PCGF5: variants seen among roughly 807,000 people sequenced by gnomAD.
PCGF5 encodes the protein polycomb group ring finger 5.
Under a neutral mutation model 44.3 loss-of-function variants are expected in PCGF5, and 9 were observed. That is an observed-to-expected ratio of 0.20 (90% CI 0.12 to 0.35). The LOEUF (loss-of-function observed/expected upper bound fraction) is 0.35, where lower values mean the gene tolerates loss of function less well. PCGF5 is among the 10% of genes least tolerant of loss of function. The pLI is 1.00. For missense variants in PCGF5, 146 were observed against 305.3 expected (o/e 0.48, Z 3.89); for synonymous variants, 95 against 102.5 (o/e 0.93, Z 0.44).
chr10:91,165,583 G>A (rs1466120719), intron 1 of PCGF5, among the ~76,000 whole-genome samples: 1 of 152,102 alleles, frequency 6.6e-6, no homozygotes, highest in Non-Finnish European at 1.5e-5. Flanking sequence ...AACCTCCCAG[G>A]CTCAAGTGAT....
chr10:91,206,213 G>A (rs569382312), intron 1 of PCGF5, among the ~76,000 whole-genome samples: 7 of 152,150 alleles, frequency 4.6e-5, no homozygotes, highest in African/African-American at 9.6e-5. Context: ...AGCTCCTGCC[G>A]TCAAGGAGCT....
At chr10:91,221,723 T>TAA (rs57050045) in intron 1 of PCGF5, among the ~76,000 whole-genome samples, 10 of 144,148 alleles carry the variant, frequency 6.9e-5, no homozygotes, top group Non-Finnish European at 7.6e-5. Flanking sequence ...ATTTTACAGT[T>TAA]AAAAAAAAAA....
chr10:91,256,986 G>A (rs1188724526), intron 6 of PCGF5, among the ~76,000 whole-genome samples: 2 of 152,082 alleles, frequency 1.3e-5, no homozygotes, highest in African/African-American at 4.8e-5. Flanking sequence ...TCATTAAAAT[G>A]TAAAACTCTT....
chr10:91,266,859 C>A lies in PCGF5; in HGVS notation c.663+2339C>A, dbSNP rs184934548. On this transcript the variant is annotated intron_variant, in intron 8 of 9. Transcript: ENST00000336126. The stretch of plus-strand genomic sequence containing the variant: ...AGAATCCAGCTATGTCTCACTACAT[C>A]CACTTCACTACTAGTCCAACCCACC... Among the ~76,000 whole-genome samples the A allele has an allele frequency of 3.9e-3, 588 of 152,270 alleles. 3 individuals carry two copies. Among genetic ancestry groups the A allele is most frequent in the African/African-American group, 0.014 (562 of 41,556 alleles).
At chr10:91,199,501 T>G (rs1844207429) in intron 1 of PCGF5, among the ~76,000 whole-genome samples, 1 of 152,230 alleles carries the variant, frequency 6.6e-6, no homozygotes, top group Non-Finnish European at 1.5e-5. Context: ...GCTGAGGACA[T>G]GCCTGCAAGA....
At chr10:91,250,932 C>T (rs1055958168) in intron 5 of PCGF5, among the ~76,000 whole-genome samples, 1 of 151,352 alleles carries the variant, frequency 6.6e-6, no homozygotes, top group African/African-American at 2.4e-5. Context: ...TTTATATATA[C>T]ACCTATAAAT....
chr10:91,211,826 G>A (rs889959179), intron 1 of PCGF5, among the ~76,000 whole-genome samples: 8 of 152,160 alleles, frequency 5.3e-5, no homozygotes, highest in African/African-American at 1.9e-4. Flanking sequence ...GCTTTGTCTT[G>A]GAAAGAGTGG....
chr10:91,275,776 T>C (rs1846299021), intron 9 of PCGF5, among the ~76,000 whole-genome samples: 1 of 152,132 alleles, frequency 6.6e-6, no homozygotes, highest in Non-Finnish European at 1.5e-5. Context: ...TGAAGACCAG[T>C]GTAAAAGTGT....
intron 9 of PCGF5, among the ~76,000 whole-genome samples, chr10:91,277,069 T>A (rs1369768224): frequency 6.6e-6 from 1 of 152,204 alleles, no homozygotes; most frequent in Non-Finnish European, 1.5e-5. Context: ...AGACTTTTAC[T>A]CCAGCCCTTA....
intron 1 of PCGF5, among the ~76,000 whole-genome samples, chr10:91,173,436 A>G: frequency 6.6e-6 from 1 of 152,230 alleles, no homozygotes; most frequent in East Asian, 1.9e-4. Flanking sequence ...ATATACAGAA[A>G]AGTTTTGAAA....
At position 91,238,742 on chromosome 10, in the gene PCGF5, A is replaced by G. The variant is rs902780795; in HGVS notation, c.113-1742A>G. ...CTGTCTTCTACTTCAACTTGGCATA[A>G]TAAGGCAGTCCTCTCTTCCCAAAGA... On this transcript the variant is annotated intron_variant, in intron 2 of 9. Transcript: ENST00000336126. Among the ~76,000 whole-genome samples, 23 of 150,960 alleles carry G rather than the reference A, an allele frequency of 1.5e-4. 1 individual carries two copies. Among genetic ancestry groups the G allele is most frequent in the Non-Finnish European group, 3.1e-4 (21 of 67,866 alleles).
At chr10:91,243,010 A>G (rs911146191) in intron 3 of PCGF5, among the ~76,000 whole-genome samples, 1 of 152,222 alleles carries the variant, frequency 6.6e-6, no homozygotes. Context: ...GATAATAAAA[A>G]CAAGATATCC....
At chr10:91,173,578 C>CTTTTTTTTTTTTTTTTTTTTTT (rs59254639) in intron 1 of PCGF5, among the ~76,000 whole-genome samples, 7 of 115,638 alleles carry the variant, frequency 6.1e-5, no homozygotes, top group African/African-American at 2.0e-4. Flanking sequence ...AGGGAGTTGG[C>CTTTTTTTTTTTTTTTTTTTTTT]TTTTTTTTTT....
At chr10:91,254,863 A>G (rs1258509756) in intron 6 of PCGF5, among the ~76,000 whole-genome samples, 1 of 152,126 alleles carries the variant, frequency 6.6e-6, no homozygotes. Flanking sequence ...TTATAGATGC[A>G]TATAGAGCAT....
upstream of PCGF5, among the ~76,000 whole-genome samples, chr10:91,158,683 G>T (rs1195809722): frequency 1.3e-5 from 2 of 152,128 alleles, no homozygotes; most frequent in African/African-American, 4.8e-5. Context: ...AAAGAAATTT[G>T]TTCTCTTCCA....
intron 3 of PCGF5, among the ~76,000 whole-genome samples, chr10:91,245,623 C>G (rs1440188811): frequency 6.6e-6 from 1 of 152,040 alleles, no homozygotes; most frequent in Non-Finnish European, 1.5e-5. Flanking sequence ...GGAATGCAAT[C>G]TCACAGCCTA....
chr10:91,248,283 G>A (rs1477875908), intron 3 of PCGF5, among the ~76,000 whole-genome samples: 2 of 152,080 alleles, frequency 1.3e-5, no homozygotes, highest in South Asian at 2.1e-4. Flanking sequence ...CAAGAGTCTG[G>A]ATATAGAGAG....
chr10:91,192,481 G>A (rs1422067504), intron 1 of PCGF5, among the ~76,000 whole-genome samples: 4 of 152,096 alleles, frequency 2.6e-5, no homozygotes, highest in East Asian at 1.9e-4. Context: ...CTTGCTCATC[G>A]TCAATTAAGA....
chr10:91,181,280 A>G (rs529098975), intron 1 of PCGF5, among the ~76,000 whole-genome samples: 59 of 152,344 alleles, frequency 3.9e-4, no homozygotes, highest in African/African-American at 1.1e-3. Flanking sequence ...TTTTCTAGAT[A>G]TAGGATCCTG....
Sources: gnomAD v4.1 joint callset for allele counts (sites outside exome capture counted in the v4.1 genomes callset) on GRCh38, gnomAD v4.1.1 for gene constraint, MANE v1.5 for transcripts, NCBI Gene and HGNC (gene_info 2026-07-23, HGNC 2026-07-21) for gene names.